ARL15: variants seen among roughly 807,000 people sequenced by gnomAD.
ARL15 encodes the protein ADP-ribosylation factor-like protein 15.
ARL15 carries 19 observed loss-of-function variants against 25.2 expected under a neutral mutation model. The ratio of observed to expected loss-of-function variants is 0.75; its 90% confidence interval spans 0.53 to 1.10. The LOEUF (loss-of-function observed/expected upper bound fraction) is 1.10. Ranked by LOEUF, ARL15 falls within the 50% of genes least tolerant of loss-of-function variation. ARL15 has a pLI of 0.00. For synonymous variants in ARL15, 94 were observed against 86.8 expected (o/e 1.08, Z -0.46); for missense variants, 220 against 246.0 (o/e 0.89, Z 0.71).
intron 3 of ARL15, among the ~76,000 whole-genome samples, chr5:54,129,046 C>A (rs1026194788): frequency 2.4e-4 from 37 of 152,212 alleles, no homozygotes; most frequent in African/African-American, 8.7e-4. Flanking sequence ...AATTAAATTT[C>A]TTTTCAGTGA....
At chr5:54,109,380 T>C (rs1490987395) in intron 4 of ARL15, among the ~76,000 whole-genome samples, 1 of 151,950 alleles carries the variant, frequency 6.6e-6, no homozygotes, top group Non-Finnish European at 1.5e-5. Flanking sequence ...AAACATCAAA[T>C]CAGATGACAT....
At chr5:54,107,964 A>G (rs1446244087) in intron 4 of ARL15, among the ~76,000 whole-genome samples, 1 of 152,140 alleles carries the variant, frequency 6.6e-6, no homozygotes, top group Non-Finnish European at 1.5e-5. Context: ...AGTGAGATCA[A>G]GGTGGATAGA....
intron 4 of ARL15, among the ~76,000 whole-genome samples, chr5:54,076,710 G>A (rs890853077): frequency 1.3e-5 from 2 of 151,606 alleles, no homozygotes; most frequent in Non-Finnish European, 2.9e-5. Context: ...AGATTGTGGA[G>A]GTATATAATT....
intron 4 of ARL15, among the ~76,000 whole-genome samples, chr5:53,946,062 G>A (rs986720685): frequency 2.0e-5 from 3 of 152,308 alleles, no homozygotes; most frequent in African/African-American, 7.2e-5. Flanking sequence ...GTTTCCTCAT[G>A]TATGAATGAG....
chr5:53,905,130 T>C (rs778591807), intron 4 of ARL15, among the ~76,000 whole-genome samples: 1 of 152,146 alleles, frequency 6.6e-6, no homozygotes, highest in Non-Finnish European at 1.5e-5. Context: ...AGTCACACTT[T>C]TCATCATGTC....
intron 4 of ARL15, among the ~76,000 whole-genome samples, chr5:53,966,692 G>A (rs1747576859): frequency 6.6e-6 from 1 of 152,204 alleles, no homozygotes; most frequent in Non-Finnish European, 1.5e-5. Context: ...GGTCAAAGAA[G>A]TCTTATTCCG....
intron 4 of ARL15, among the ~76,000 whole-genome samples, chr5:54,072,759 T>C (rs1049644084): frequency 1.3e-5 from 2 of 152,228 alleles, no homozygotes; most frequent in African/African-American, 4.8e-5. Context: ...ATTTATTTCA[T>C]ATGTATCAAA....
At chr5:54,282,774 C>T (rs1758092924) in intron 1 of ARL15, among the ~76,000 whole-genome samples, 1 of 152,066 alleles carries the variant, frequency 6.6e-6, no homozygotes, top group Non-Finnish European at 1.5e-5. Flanking sequence ...AAGGGAAATG[C>T]TCATAGTTAA....
chr5:53,933,036 A>T (rs527718696), intron 4 of ARL15, among the ~76,000 whole-genome samples: 1 of 152,350 alleles, frequency 6.6e-6, no homozygotes, highest in South Asian at 2.1e-4. Flanking sequence ...TCAACACTTT[A>T]GTTTATAACA....
chr5:54,232,826 C>T (rs1055060872), intron 1 of ARL15, among the ~76,000 whole-genome samples: 1 of 152,176 alleles, frequency 6.6e-6, no homozygotes, highest in Admixed American at 6.5e-5. Flanking sequence ...TTCACCCCTG[C>T]CCTCATACAC....
intron 1 of ARL15, among the ~76,000 whole-genome samples, chr5:54,201,670 CT>C (rs998896872): frequency 3.3e-5 from 5 of 152,082 alleles, no homozygotes; most frequent in African/African-American, 1.2e-4. Flanking sequence ...GAATTCCTAC[CT>C]CCCCATGCTG....
chr5:54,293,537 AAG>A (rs1014833616), intron 1 of ARL15, among the ~76,000 whole-genome samples: 1 of 152,212 alleles, frequency 6.6e-6, no homozygotes, highest in Non-Finnish European at 1.5e-5. Flanking sequence ...TAGTAAAGTG[AAG>A]AGAGATTGGC....
At chr5:54,278,894 A>G (rs143559891) in intron 1 of ARL15, among the ~76,000 whole-genome samples, 36 of 152,364 alleles carry the variant, frequency 2.4e-4, no homozygotes, top group Non-Finnish European at 4.3e-4. Flanking sequence ...ATGGAGGCAT[A>G]CATTTACCTG....
chr5:54,217,941 A>G (rs989633053), intron 1 of ARL15, among the ~76,000 whole-genome samples: 1 of 152,174 alleles, frequency 6.6e-6, no homozygotes, highest in Non-Finnish European at 1.5e-5. Context: ...AAGGGGGAAA[A>G]AAAATCACCC....
In ARL15 at chr5:54,112,054, T is replaced by C. The variant is rs899686358; in HGVS notation, c.462+1148A>G. On this transcript the variant is annotated intron_variant, in intron 4 of 4. Transcript: ENST00000504924. Reference sequence around the variant, plus strand: ...TATTCTTTAAAAGGTGCTACGTACTTAATGCTGAATGAGGCAACTAAAGTG... The same window carrying C: ...TATTCTTTAAAAGGTGCTACGTACTCAATGCTGAATGAGGCAACTAAAGTG... Among the ~76,000 whole-genome samples the C allele has an allele frequency of 5.3e-5, 8 of 152,274 alleles. No homozygotes were observed. The East Asian group carries it at 5.8e-4, about 11-fold the overall frequency.
chr5:53,906,716 C>T (rs2111960821), intron 4 of ARL15, among the ~76,000 whole-genome samples: 1 of 152,314 alleles, frequency 6.6e-6, no homozygotes, highest in Middle Eastern at 3.4e-3. Flanking sequence ...GCATAACTAT[C>T]TTAATGGTTT....
chr5:53,990,803 G>T (rs1475709088), intron 4 of ARL15, among the ~76,000 whole-genome samples: 1 of 152,202 alleles, frequency 6.6e-6, no homozygotes, highest in Admixed American at 6.5e-5. Context: ...TGCAAGAGAA[G>T]AATTATTTTA....
intron 4 of ARL15, among the ~76,000 whole-genome samples, chr5:53,940,095 C>A (rs2112081991): frequency 6.6e-6 from 1 of 151,890 alleles, no homozygotes; most frequent in South Asian, 2.1e-4. Context: ...TCTCCTGCCT[C>A]AGCCTCCCGA....
intron 1 of ARL15, among the ~76,000 whole-genome samples, chr5:54,239,261 C>A (rs1032236437): frequency 3.3e-5 from 5 of 151,236 alleles, no homozygotes; most frequent in African/African-American, 1.2e-4. Context: ...AGTAACTAAC[C>A]CTATTATCCT....
Sources: allele counts gnomAD v4.1 joint callset (sites outside exome capture counted in the v4.1 genomes callset), GRCh38; gene constraint gnomAD v4.1.1; transcripts MANE v1.5; gene names NCBI Gene and HGNC (gene_info 2026-07-23, HGNC 2026-07-21).